The following PCIF1 variants were observed in gnomAD, a reference collection of about 807,000 sequenced individuals.
PCIF1 encodes the protein mRNA (2'-O-methyladenosine-N(6)-)-methyltransferase.
Under a neutral mutation model 86.9 loss-of-function variants are expected in PCIF1, and 12 were observed. That is an observed-to-expected ratio of 0.14 (90% CI 0.09 to 0.22). The LOEUF (loss-of-function observed/expected upper bound fraction) is 0.22, where lower values mean the gene tolerates loss of function less well. Ranked by LOEUF, PCIF1 falls within the 10% of genes least tolerant of loss-of-function variation. The pLI is 1.00. For missense variants in PCIF1, 701 were observed against 951.1 expected (o/e 0.74, Z 3.46); for synonymous variants, 397 against 372.0 (o/e 1.07, Z -0.77).
At chr20:45,936,051 A>G (rs1157262006) in intron 1 of PCIF1, among the ~76,000 whole-genome samples, 3 of 152,232 alleles carry the variant, frequency 2.0e-5, no homozygotes, top group Non-Finnish European at 2.9e-5. Flanking sequence ...TTGTTTTTGC[A>G]AGACATTATT....
At chr20:45,941,256 A>C (rs2083467456) in intron 7 of PCIF1, 49 bp downstream of exon 7, 10 of 1,550,046 alleles carry the variant, frequency 6.5e-6, no homozygotes, top group African/African-American at 2.7e-5. Flanking sequence ...CACCTTTAGC[A>C]TGAGCCAGGT....
At chr20:45,942,309 C>CT (rs71181876) in intron 7 of PCIF1, among the ~76,000 whole-genome samples, 103 of 109,324 alleles carry the variant, frequency 9.4e-4, no homozygotes, top group East Asian at 2.0e-3. Flanking sequence ...TTATGTAATA[C>CT]TTTTTTTTTT....
intron 1 of PCIF1, among the ~76,000 whole-genome samples, chr20:45,937,165 C>A (rs1600499845): frequency 6.6e-6 from 1 of 152,334 alleles, no homozygotes; most frequent in East Asian, 1.9e-4. Context: ...ACAGTGACGG[C>A]AGAGCCTTAC....
chr20:45,940,435 G>T, intron 4 of PCIF1, 40 bp from the exon 5 acceptor site: 1 of 1,554,708 alleles, frequency 6.4e-7, no homozygotes, highest in Non-Finnish European at 8.7e-7. Context: ...CTCCTAAGCC[G>T]CTGGCCCTGG....
rs2083497853 is a variant in PCIF1 at position 45,943,844 on chromosome 20, A to G, written c.1005+79A>G. The G allele has an allele frequency of 1.7e-6, 2 of 1,180,076 alleles. No individual in the cohort carries two copies. Among genetic ancestry groups the G allele is most frequent in the Non-Finnish European group, 2.4e-6 (2 of 821,814 alleles). 73.1% of individuals were successfully genotyped at this position (1,180,076 alleles called of 1,614,324 possible). Reference sequence around the variant, plus strand: ...TCCAGGAAGCCTACTCTGCCTGTCCAGGCTGGGCAAGGCCTCCCCCAGCGG... The same window carrying G: ...TCCAGGAAGCCTACTCTGCCTGTCCGGGCTGGGCAAGGCCTCCCCCAGCGG... On this transcript the variant is annotated intron_variant, in intron 10 of 16. Coordinates refer to ENST00000372409, the MANE Select transcript of PCIF1 (RefSeq NM_022104.4). The surrounding 1 kb of genome is among the most constrained non-coding windows in gnomAD (Gnocchi z 5.5).
At position 45,947,691 on chromosome 20, in the gene PCIF1, C is replaced by G; in HGVS notation, c.2051C>G (p.Ser684Trp). 6.2e-7 allele frequency: 1 copy of G among 1,609,652 alleles called. No individual in the cohort carries two copies. Among genetic ancestry groups the G allele is most frequent in the South Asian group, 1.1e-5 (1 of 90,976 alleles). ...HSSGSSSSSS[S>W]EAKDRDSGRE... is the part of the protein sequence containing the mutation. ...TCTGGTTCTTCCTCATCGTCCTCCT[C>G]GGAGGCCAAGGACCGGGACTCGGGC... Residue 684 changes from serine (S) to tryptophan (W), a missense_variant, in exon 17 of 17, where the codon TCG (serine) becomes TGG (tryptophan). Transcript: ENST00000372409. This position sits in a 1 kb window ranked among gnomAD's most constrained non-coding sequence, Gnocchi z 5.4.
At chr20:45,946,763 A>G (rs905106510) in intron 14 of PCIF1, among the ~76,000 whole-genome samples, 8 of 152,202 alleles carry the variant, frequency 5.3e-5, no homozygotes, top group African/African-American at 1.9e-4. Context: ...AAGAATGGTC[A>G]GGACCTCCAG....
intron 13 of PCIF1, 33 bp from the exon 14 acceptor site, chr20:45,946,167 G>A (rs761303909): frequency 6.2e-7 from 1 of 1,614,066 alleles, no homozygotes; most frequent in African/African-American, 1.3e-5. Flanking sequence ...CAGGGAGGGT[G>A]AGCCCCAGGT....
intron 1 of PCIF1, among the ~76,000 whole-genome samples, chr20:45,935,379 G>A (rs1185312063): frequency 2.0e-5 from 3 of 152,128 alleles, no homozygotes; most frequent in East Asian, 3.9e-4. Flanking sequence ...GGTTTTTCTG[G>A]TTGCGCAGAT....
At chr20:45,934,878 G>A (rs957855775) in intron 1 of PCIF1, 74 bp downstream of exon 1, 1 of 397,722 alleles carries the variant, frequency 2.5e-6, no homozygotes, top group African/African-American at 2.1e-5. Context: ...GGGGGGCGGC[G>A]GCCCCTCCGG....
chr20:45,945,713 G>A lies in PCIF1; in HGVS notation c.1171G>A (p.Glu391Lys). The change falls in exon 12 of 17, where the codon GAG becomes AAG. Residue 391 changes from glutamate to lysine, a missense_variant and splice_region_variant. Glu to Lys is a moderately conservative substitution (Grantham distance 56, BLOSUM62 1). Around this residue, in one of 7 missense-constraint regions of PCIF1, gnomAD observed 121 missense variants for 131.7 expected, o/e 0.92. Coordinates refer to ENST00000372409, the MANE Select transcript of PCIF1 (RefSeq NM_022104.4). Reference sequence around the variant, plus strand: ...CTCACTGCTCTCCCTGCCCACAGAGGAGGTGGAGGCCCCTGAGGTGGAGCC... The same window carrying A: ...CTCACTGCTCTCCCTGCCCACAGAGAAGGTGGAGGCCCCTGAGGTGGAGCC... ...AILKENNISEEVEAPEVEPRL... is the reference protein window; with the variant it reads ...AILKENNISEKVEAPEVEPRL... 6.2e-7 allele frequency: 1 copy of A among 1,612,162 alleles called. No homozygotes were observed. The highest frequency in any genetic ancestry group is 1.3e-5 in the African/African-American group (1 of 75,012).
chr20:45,941,713 C>T (rs1423705787), intron 7 of PCIF1, among the ~76,000 whole-genome samples: 1 of 152,058 alleles, frequency 6.6e-6, no homozygotes, highest in Non-Finnish European at 1.5e-5. Flanking sequence ...CCGCCTCAGC[C>T]TCCCACAGTG....
In PCIF1 at chr20:45,943,093, G is replaced by T. The variant is rs375365216; in HGVS notation, c.674-4G>T. The stretch of plus-strand genomic sequence containing the variant: ...AGGCCTTCAGCAGCTCTCCTGTCCT[G>T]CAGGCATTGAGCCTCCACGGGAGTC... On this transcript the variant is annotated splice_region_variant and splice_polypyrimidine_tract_variant and intron_variant, in intron 7 of 16. Coordinates refer to ENST00000372409, the MANE Select transcript of PCIF1 (RefSeq NM_022104.4). The surrounding 1 kb of genome is among the most constrained non-coding windows in gnomAD (Gnocchi z 5.5). 2 of 1,613,542 alleles carry T rather than the reference G, an allele frequency of 1.2e-6. No individual in the cohort carries two copies. The highest frequency in any genetic ancestry group is 1.1e-5 in the South Asian group (1 of 91,012).
chr20:45,942,277 C>G (rs1308468494), intron 7 of PCIF1, among the ~76,000 whole-genome samples: 1 of 146,328 alleles, frequency 6.8e-6, no homozygotes, highest in Non-Finnish European at 1.5e-5. Context: ...CCCGGCCCAC[C>G]CTTTTTTTTT....
intron 10 of PCIF1, 23 bp from the exon 11 acceptor site, chr20:45,944,845 C>G: frequency 6.2e-7 from 1 of 1,603,120 alleles, no homozygotes; most frequent in Non-Finnish European, 8.5e-7. Context: ...CACTAGCGCC[C>G]TGATCCAGAA....
rs770127005 is a variant in PCIF1, at chr20:45,947,381, T to G, written c.1826T>G (p.Leu609Trp). Reference protein sequence around the residue: ...MEQSRFKRHQLILPAFEHEYR... With the variant: ...MEQSRFKRHQWILPAFEHEYR... The stretch of plus-strand genomic sequence containing the variant: ...CAGAGCCGCTTCAAACGCCACCAGT[T>G]GATCCTGCCTGCCTTTGAGCATGAG... The change falls in exon 16 of 17, where the codon TTG becomes TGG. Residue 609 changes from leucine (L) to tryptophan (W), a missense_variant. Leu to Trp is a moderately conservative substitution (Grantham distance 61). Coordinates refer to ENST00000372409, the MANE Select transcript of PCIF1 (RefSeq NM_022104.4). This position sits in a 1 kb window ranked among gnomAD's most constrained non-coding sequence, Gnocchi z 5.4. The G allele has an allele frequency of 6.2e-7, 1 of 1,614,058 alleles. No homozygotes were observed. Among genetic ancestry groups the G allele is most frequent in the Non-Finnish European group, 8.5e-7 (1 of 1,180,028 alleles).
chr20:45,945,955 C>A (rs114530246), intron 12 of PCIF1, 72 bp downstream of exon 12: 5 of 1,612,642 alleles, frequency 3.1e-6, no homozygotes, highest in African/African-American at 1.3e-5. Context: ...TGAGCAGAGT[C>A]CCCAGCAGGA....
In PCIF1 at chr20:45,943,427, T is replaced by C; in HGVS notation, c.905+4T>C. On this transcript the variant is annotated splice_donor_region_variant and intron_variant, in intron 9 of 16. Coordinates refer to ENST00000372409, the MANE Select transcript of PCIF1 (RefSeq NM_022104.4). This position sits in a 1 kb window ranked among gnomAD's most constrained non-coding sequence, Gnocchi z 5.5. ...CCAGGCGGCTCATCGAGTCCAGGTTTGCCTGTCTTCTGCCCCAGGCGAGAT... is the reference window on the plus strand; with the variant it reads ...CCAGGCGGCTCATCGAGTCCAGGTTCGCCTGTCTTCTGCCCCAGGCGAGAT... The C allele has an allele frequency of 1.9e-6, 3 of 1,612,308 alleles. No homozygotes were observed. The highest frequency in any genetic ancestry group is 2.5e-6 in the Non-Finnish European group (3 of 1,179,546).
Position 45,944,939 on chromosome 20 carries a change from C to A in PCIF1, c.1077C>A (p.Gly359=). Residue 359 remains glycine, a synonymous_variant, in exon 11 of 17, where the codon GGC becomes GGA. Coordinates refer to ENST00000372409, the MANE Select transcript of PCIF1 (RefSeq NM_022104.4). Reference sequence around the variant, plus strand: ...CCGCAGCCAAGGACTCCGTGGAAGGCATCTGCAGTAAGATCTACCACATCT... The same window carrying A: ...CCGCAGCCAAGGACTCCGTGGAAGGAATCTGCAGTAAGATCTACCACATCT... ...VSAAAKDSVE[G]ICSKIYHISL... The A allele has an allele frequency of 6.2e-7, 1 of 1,614,198 alleles. No homozygotes were observed. Among genetic ancestry groups the A allele is most frequent in the Non-Finnish European group, 8.5e-7 (1 of 1,180,028 alleles).
Sources: allele counts gnomAD v4.1 joint callset (sites outside exome capture counted in the v4.1 genomes callset), GRCh38; gene constraint gnomAD v4.1.1; regional missense constraint gnomAD v4.1.1; non-coding constraint Gnocchi (gnomAD v3.1); transcripts MANE v1.5; gene names NCBI Gene and HGNC (gene_info 2026-07-23, HGNC 2026-07-21).